Variants in SRGAP3 observed in about 807,000 individuals in gnomAD.
SRGAP3 encodes SLIT-ROBO Rho GTPase activating protein 3, also known as SLIT-ROBO Rho GTPase-activating protein 3.
Under a neutral mutation model 121.1 loss-of-function variants are expected in SRGAP3, and 39 were observed. That is an observed-to-expected ratio of 0.32 (90% CI 0.25 to 0.42). The LOEUF (loss-of-function observed/expected upper bound fraction) is 0.42. Among genes scored for constraint, SRGAP3 ranks in the 10% least tolerant of loss-of-function variants. The pLI is 1.00. For synonymous variants in SRGAP3, 601 were observed against 570.0 expected, an observed-to-expected ratio of 1.05 and a Z score of -0.77; for missense variants, 1,213 against 1,470.6, an observed-to-expected ratio of 0.82 and a Z score of 2.86.
At chr3:9,215,279 C>T (rs956222726) in intron 1 of SRGAP3, among the ~76,000 whole-genome samples, 5 of 152,180 alleles carry the variant, frequency 3.3e-5, no homozygotes, top group East Asian at 3.9e-4. Flanking sequence ...CTGAAATCTA[C>T]GCTGTTCGGC....
chr3:9,186,699 C>A (rs764447903), intron 1 of SRGAP3, among the ~76,000 whole-genome samples: 1 of 152,070 alleles, frequency 6.6e-6, no homozygotes, highest in East Asian at 1.9e-4. Context: ...CTGCCATGTA[C>A]GACTGACCCC....
At chr3:9,004,280 A>C (rs1268839767) in intron 18 of SRGAP3, among the ~76,000 whole-genome samples, 1 of 152,212 alleles carries the variant, frequency 6.6e-6, no homozygotes, top group African/African-American at 2.4e-5. Context: ...AAAGATCTAA[A>C]TAATTGGCAA....
intron 10 of SRGAP3, among the ~76,000 whole-genome samples, chr3:9,039,184 C>T (rs1291274972): frequency 6.6e-6 from 1 of 152,166 alleles, no homozygotes; most frequent in Non-Finnish European, 1.5e-5. Context: ...GCTCAGTTCA[C>T]GACTCCCTTC....
At chr3:9,340,849 C>A (rs1955775230) in intron 1 of SRGAP3, among the ~76,000 whole-genome samples, 1 of 152,162 alleles carries the variant, frequency 6.6e-6, no homozygotes, top group Non-Finnish European at 1.5e-5. Context: ...AATGGGGCCA[C>A]TAAAAGAAAA....
At chr3:9,121,490 C>T (rs967165507) in intron 2 of SRGAP3, among the ~76,000 whole-genome samples, 2 of 152,172 alleles carry the variant, frequency 1.3e-5, no homozygotes, top group Admixed American at 6.5e-5. Context: ...CTTCCAGAAG[C>T]GGAGACGGCT....
intron 1 of SRGAP3, among the ~76,000 whole-genome samples, chr3:9,159,983 G>A (rs1428689552): frequency 2.6e-5 from 4 of 152,166 alleles, no homozygotes; most frequent in African/African-American, 7.2e-5. Flanking sequence ...CCTGCCTCAG[G>A]ATGCTTTCCA....
At chr3:9,036,212 A>G (rs9875468) in intron 11 of SRGAP3, 27,763 of 152,204 alleles carry the variant, frequency 0.18, 3,537 homozygotes, top group East Asian at 0.37. Context: ...ACAGCAACTT[A>G]GCTGAGGGGA....
chr3:9,055,834 GT>G lies in SRGAP3; in HGVS notation c.1125+398del, dbSNP rs528325955. Among the ~76,000 whole-genome samples the G allele has an allele frequency of 7.9e-5, 12 of 152,166 alleles. No individual in the cohort carries two copies. In the East Asian group the frequency reaches 2.3e-3, roughly 29 times the overall value. ...TGCCTAGGAATATACATATGCTTTAGTTTACTCCAGTTATGGCAATACTGAA... is the reference window on the plus strand; with the variant it reads ...TGCCTAGGAATATACATATGCTTTAGTTACTCCAGTTATGGCAATACTGAA... On this transcript the variant is annotated intron_variant, in intron 8 of 21. Transcript: ENST00000383836.
intron 1 of SRGAP3, among the ~76,000 whole-genome samples, chr3:9,184,659 C>T (rs1404025475): frequency 6.6e-6 from 1 of 152,092 alleles, no homozygotes; most frequent in African/African-American, 2.4e-5. Flanking sequence ...CTCGGAAGTT[C>T]CATGAGGACA....
At chr3:9,142,847 T>TTTTTTTTTTG in intron 1 of SRGAP3, among the ~76,000 whole-genome samples, 1 of 144,052 alleles carries the variant, frequency 6.9e-6, no homozygotes. Context: ...TTTTTTTTTT[T>TTTTTTTTTTG]TTTTTGATAA....
At chr3:9,058,552 A>G in intron 6 of SRGAP3, 80 bp from the exon 7 acceptor site, 1 of 1,395,484 alleles carries the variant, frequency 7.2e-7, no homozygotes, top group Non-Finnish European at 1.0e-6. Context: ...ACAGTGACTT[A>G]CAATTACCTC....
chr3:9,041,395 C>T (rs1051146290), intron 10 of SRGAP3, among the ~76,000 whole-genome samples: 7 of 152,234 alleles, frequency 4.6e-5, no homozygotes, highest in African/African-American at 1.7e-4. Context: ...GGATGCCACA[C>T]ATTAGAGGAC....
intron 1 of SRGAP3, among the ~76,000 whole-genome samples, chr3:9,209,494 G>T (rs934060584): frequency 3.9e-5 from 6 of 152,110 alleles, no homozygotes; most frequent in African/African-American, 1.4e-4. Flanking sequence ...TATTAATTCC[G>T]GCCCATATTG....
intron 1 of SRGAP3, chr3:9,348,690 A>C: frequency 8.8e-7 from 1 of 1,137,652 alleles, no homozygotes; most frequent in Non-Finnish European, 1.3e-6. Context: ...AGTAGTGAGG[A>C]TTGGTGCCTC....
At chr3:9,056,649 G>C (rs1263668736) in intron 7 of SRGAP3, among the ~76,000 whole-genome samples, 1 of 152,172 alleles carries the variant, frequency 6.6e-6, no homozygotes, top group Non-Finnish European at 1.5e-5. Flanking sequence ...AAAACTAACT[G>C]GTTAATTTCA....
chr3:9,052,547 C>T (rs1945628633), intron 9 of SRGAP3, among the ~76,000 whole-genome samples: 1 of 152,184 alleles, frequency 6.6e-6, no homozygotes, highest in South Asian at 2.1e-4. Context: ...TTTCTCCTCC[C>T]AGTCCCTGTC....
intron 3 of SRGAP3, among the ~76,000 whole-genome samples, chr3:9,306,320 G>A (rs1425971568): frequency 6.6e-6 from 1 of 152,128 alleles, no homozygotes; most frequent in African/African-American, 2.4e-5. Flanking sequence ...TTAGCCCTTT[G>A]TCAGATGGGT....
intron 3 of SRGAP3, among the ~76,000 whole-genome samples, chr3:9,300,702 A>G (rs1010504560): frequency 2.0e-5 from 3 of 152,210 alleles, no homozygotes; most frequent in African/African-American, 7.2e-5. Context: ...TTTGTCCCCC[A>G]GGAGATATTT....
chr3:9,035,606 CA>C, intron 11 of SRGAP3: 1 of 177,522 alleles, frequency 5.6e-6, no homozygotes, highest in Non-Finnish European at 1.2e-5. Flanking sequence ...AGATGCAGAG[CA>C]AAAAGGAAAG....
Sources: allele counts gnomAD v4.1 joint callset (sites outside exome capture counted in the v4.1 genomes callset), GRCh38; gene constraint gnomAD v4.1.1; transcripts MANE v1.5; gene names NCBI Gene and HGNC (gene_info 2026-07-23, HGNC 2026-07-21).